Variants in CEPT1 observed in about 807,000 individuals in gnomAD.
The protein encoded by CEPT1 is choline/ethanolaminephosphotransferase 1.
Under a neutral mutation model 42.6 loss-of-function variants are expected in CEPT1, and 7 were observed. The observed-to-expected ratio is 0.16, with a 90% confidence interval of 0.09 to 0.31. The LOEUF is 0.31. CEPT1 is among the 10% of genes least tolerant of loss of function. The pLI, the probability that CEPT1 is intolerant of heterozygous loss-of-function variation, is 1.00. For synonymous variants in CEPT1, 171 were observed against 171.9 expected, an observed-to-expected ratio of 0.99 and a Z score of 0.04; for missense variants, 306 against 502.1, an observed-to-expected ratio of 0.61 and a Z score of 3.73.
Position 111,174,861 on chromosome 1 carries a change from CT to C in CEPT1, c.630-13del. On this transcript the variant is annotated splice_polypyrimidine_tract_variant and intron_variant, in intron 4 of 8. Coordinates refer to ENST00000357172, the MANE Select transcript of CEPT1 (RefSeq NM_006090.5). ...GTTGTGACTAATTCTGCTCTTTTGG[CT>C]TTTTGTACCTAATCAGAATTGATGT... 1.3e-6 allele frequency: 2 copies of C among 1,548,352 alleles called. No homozygotes were observed. The highest frequency in any genetic ancestry group is 1.8e-6 in the Non-Finnish European group (2 of 1,120,776).
rs528711311 is a variant in CEPT1 at position 111,182,389 on chromosome 1, T to C, written c.846+71T>C. On this transcript the variant is annotated intron_variant, in intron 6 of 8. Transcript: ENST00000357172. ...GGTTTTGTTGTCATTTTGTTTTTTA[T>C]TTCAAATGTATAAAATCATTTGTTA... 4 of 1,442,332 alleles carry C rather than the reference T, an allele frequency of 2.8e-6. No individual in the cohort carries two copies. In the East Asian group the frequency reaches 9.2e-5, roughly 33 times the overall value. The allele number at this position is 1,442,332 out of a possible 1,614,324, so 89.3% of individuals were successfully genotyped here.
At position 111,159,786 on chromosome 1, in the gene CEPT1, G is replaced by T. The variant is rs1655775908; in HGVS notation, c.487+259G>T. On this transcript the variant is annotated intron_variant, in intron 3 of 8. Coordinates refer to ENST00000357172, the MANE Select transcript of CEPT1 (RefSeq NM_006090.5). ...GTTTTTAAAAGCTTGGGGCATAATT[G>T]TCACCATCAAAACTCTTATGAACTA... 5 of 292,344 alleles carry T rather than the reference G, an allele frequency of 1.7e-5. No individual in the cohort carries two copies. The East Asian group carries it at 4.8e-4, about 28-fold the overall frequency. 18.1% of individuals were successfully genotyped at this position (292,344 alleles called of 1,614,324 possible).
intron 1 of CEPT1, among the ~76,000 whole-genome samples, chr1:111,146,424 A>T (rs1391595158): frequency 6.6e-6 from 1 of 152,166 alleles, no homozygotes; most frequent in Non-Finnish European, 1.5e-5. Flanking sequence ...TGACAACAGT[A>T]CCAGTAATCT....
intron 4 of CEPT1, among the ~76,000 whole-genome samples, chr1:111,165,044 CTTTTTT>C (rs11323094): frequency 2.4e-4 from 20 of 83,990 alleles, no homozygotes; most frequent in Admixed American, 8.3e-4. Context: ...AAACATCGGT[CTTTTTT>C]TTTTTTTTTT....
At chr1:111,169,177 A>T (rs1656292777) in intron 4 of CEPT1, among the ~76,000 whole-genome samples, 1 of 152,226 alleles carries the variant, frequency 6.6e-6, no homozygotes, top group African/African-American at 2.4e-5. Flanking sequence ...TGGATGCAGA[A>T]CCCACAGATA....
rs1030478554 is a variant in CEPT1, at chr1:111,183,462, G to A, written c.1006G>A (p.Val336Ile). 1.2e-6 allele frequency: 2 copies of A among 1,613,238 alleles called. No homozygotes were observed. Among genetic ancestry groups the A allele is most frequent in the African/African-American group, 1.3e-5 (1 of 74,858 alleles). ...VSAKITNKLV[V>I]AHMTKSEMHL... ...CTACGTTATTCTGTTTTATTCATAG[G>A]TTGCACACATGACGAAAAGTGAAAT... Residue 336 changes from valine to isoleucine, a missense_variant and splice_region_variant, in exon 8 of 9, where the codon GTT (valine) becomes ATT (isoleucine). Val to Ile is a conservative substitution (Grantham distance 29). Coordinates refer to ENST00000357172, the MANE Select transcript of CEPT1 (RefSeq NM_006090.5).
intron 1 of CEPT1, among the ~76,000 whole-genome samples, chr1:111,145,511 T>C (rs913924475): frequency 6.6e-6 from 1 of 152,238 alleles, no homozygotes; most frequent in Non-Finnish European, 1.5e-5. Flanking sequence ...ATTTGATATT[T>C]ATAGGGATAT....
At chr1:111,151,851 A>T (rs1011784719) in intron 2 of CEPT1, among the ~76,000 whole-genome samples, 4 of 152,222 alleles carry the variant, frequency 2.6e-5, no homozygotes, top group African/African-American at 9.6e-5. Context: ...TTGGGGTAAA[A>T]TATTTTGATT....
At chr1:111,159,136 C>T (rs1168050388) in intron 2 of CEPT1, among the ~76,000 whole-genome samples, 5 of 149,600 alleles carry the variant, frequency 3.3e-5, no homozygotes, top group Admixed American at 6.6e-5. Context: ...GGGATGGTCT[C>T]GATCTCCTGA....
intron 2 of CEPT1, among the ~76,000 whole-genome samples, chr1:111,158,902 CTTTTTTTTTTTTTT>C (rs149230078): frequency 3.2e-4 from 18 of 55,460 alleles, no homozygotes; most frequent in African/African-American, 1.0e-3. Flanking sequence ...TTTTACAATT[CTTTTTTTTTTTTTT>C]TTTTTTTTTT....
At chr1:111,150,252 C>G (rs1655196729) in intron 2 of CEPT1, among the ~76,000 whole-genome samples, 1 of 152,162 alleles carries the variant, frequency 6.6e-6, no homozygotes, top group Non-Finnish European at 1.5e-5. Flanking sequence ...AGTAAATTTT[C>G]TAAGTCACCC....
At chr1:111,143,376 G>C (rs1231078096) in intron 1 of CEPT1, 1 of 152,198 alleles carries the variant, frequency 6.6e-6, no homozygotes, top group Admixed American at 6.5e-5. Context: ...TGTAACCCCA[G>C]CTATTTTCTA....
intron 1 of CEPT1, among the ~76,000 whole-genome samples, chr1:111,143,845 C>T (rs760942526): frequency 5.3e-5 from 8 of 152,216 alleles, no homozygotes; most frequent in Non-Finnish European, 1.2e-4. Flanking sequence ...TCAAGCAATC[C>T]TCCCAACTCA....
chr1:111,144,582 C>G (rs1387063734), intron 1 of CEPT1, among the ~76,000 whole-genome samples: 1 of 152,206 alleles, frequency 6.6e-6, no homozygotes, highest in Non-Finnish European at 1.5e-5. Context: ...ATCAGTTTAT[C>G]AACTAGTCCT....
At chr1:111,142,203 C>T (rs1654680786) in intron 1 of CEPT1, among the ~76,000 whole-genome samples, 1 of 152,150 alleles carries the variant, frequency 6.6e-6, no homozygotes. Context: ...AATTAAATAT[C>T]TCTGATTATA....
chr1:111,158,902 C>CTTTTTTTTTTTTTT (rs149230078), intron 2 of CEPT1, among the ~76,000 whole-genome samples: 2 of 55,436 alleles, frequency 3.6e-5, no homozygotes, highest in African/African-American at 1.4e-4. Flanking sequence ...TTTTACAATT[C>CTTTTTTTTTTTTTT]TTTTTTTTTT....
intron 4 of CEPT1, among the ~76,000 whole-genome samples, chr1:111,161,670 C>T (rs1655883991): frequency 1.3e-5 from 2 of 152,118 alleles, no homozygotes; most frequent in African/African-American, 2.4e-5. Flanking sequence ...GAGAGCAGCG[C>T]CCTAATCCAA....
At chr1:111,159,631 A>C in intron 3 of CEPT1, 104 bp downstream of exon 3, 1 of 849,672 alleles carries the variant, frequency 1.2e-6, no homozygotes, top group Non-Finnish European at 1.7e-6. Flanking sequence ...GTAATTTTGT[A>C]TTAAATTTTA....
intron 4 of CEPT1, among the ~76,000 whole-genome samples, chr1:111,172,452 A>AT (rs1234981457): frequency 3.9e-5 from 6 of 152,182 alleles, no homozygotes; most frequent in Non-Finnish European, 5.9e-5. Flanking sequence ...CTGTCCTCTA[A>AT]ATAACTGTAT....
Sources: gnomAD v4.1 joint callset for allele counts (sites outside exome capture counted in the v4.1 genomes callset) on GRCh38, gnomAD v4.1.1 for gene constraint, MANE v1.5 for transcripts, NCBI Gene and HGNC (gene_info 2026-07-23, HGNC 2026-07-21) for gene names.